SLC6A11: variants seen among roughly 807,000 people sequenced by gnomAD.
The protein encoded by SLC6A11 is sodium- and chloride-dependent GABA transporter 3.
SLC6A11 carries 25 observed loss-of-function variants against 74.8 expected under a neutral mutation model. The observed-to-expected ratio is 0.33, with a 90% CI of 0.24 to 0.47. SLC6A11 has a LOEUF of 0.47. SLC6A11 is among the 20% of genes least tolerant of loss of function. The pLI is 1.00. For missense variants in SLC6A11, 574 were observed against 837.0 expected, an observed-to-expected ratio of 0.69 and a Z score of 3.88; for synonymous variants, 330 against 330.2, an observed-to-expected ratio of 1.00 and a Z score of 0.01.
In SLC6A11 at chr3:10,848,522, G is replaced by A. The variant is rs188321832; in HGVS notation, c.756+4176G>A. The stretch of plus-strand genomic sequence containing the variant: ...CAGAAGCAGCTATTCTGAGCTGGAG[G>A]GAGATTCCCTACACCCCAGCTTCAG... On this transcript the variant is annotated intron_variant, in intron 5 of 13. Transcript: ENST00000254488. 1.5e-4 allele frequency among the ~76,000 whole-genome samples: 23 copies of A among 152,262 alleles called. No homozygotes were observed. The East Asian group carries it at 3.9e-3, about 26-fold the overall frequency.
rs745698769 is a variant in SLC6A11, at chr3:10,934,175, C to T, written c.1575+9C>T. The T allele has an allele frequency of 6.3e-7, 1 of 1,592,162 alleles. No individual in the cohort carries two copies. The highest frequency in any genetic ancestry group is 1.1e-5 in the South Asian group (1 of 90,510). ...CCCCTGGGATCTGCGCGGTAAGGGC[C>T]CCACCAGGAGCCACCTCCAGCCATC... On this transcript the variant is annotated intron_variant, in intron 12 of 13. Coordinates refer to ENST00000254488, the MANE Select transcript of SLC6A11 (RefSeq NM_014229.3).
chr3:10,868,896 A>G (rs1373447042), intron 5 of SLC6A11, among the ~76,000 whole-genome samples: 2 of 152,158 alleles, frequency 1.3e-5, no homozygotes, highest in Non-Finnish European at 2.9e-5. Flanking sequence ...TTAAAGCCAA[A>G]TCCTTTGTGA....
chr3:10,836,968 G>T (rs1047667930), intron 4 of SLC6A11, among the ~76,000 whole-genome samples: 1 of 152,226 alleles, frequency 6.6e-6, no homozygotes, highest in Non-Finnish European at 1.5e-5. Flanking sequence ...TATGCCTTGC[G>T]AGACTGAAGG....
intron 10 of SLC6A11, among the ~76,000 whole-genome samples, chr3:10,932,006 A>G (rs1695694244): frequency 6.6e-6 from 1 of 151,980 alleles, no homozygotes; most frequent in Non-Finnish European, 1.5e-5. Flanking sequence ...CTGTCCTGGT[A>G]TTCAGGCTAC....
chr3:10,880,054 C>T (rs955303064), intron 6 of SLC6A11, among the ~76,000 whole-genome samples: 1 of 152,190 alleles, frequency 6.6e-6, no homozygotes, highest in Non-Finnish European at 1.5e-5. Flanking sequence ...GGCTGGCCAA[C>T]ATCTGAGGCA....
chr3:10,918,283 G>A lies in SLC6A11; in HGVS notation c.996-46G>A, dbSNP rs780811627. On this transcript the variant is annotated intron_variant, in intron 7 of 13. Transcript: ENST00000254488. The surrounding 1 kb of genome is among the most constrained non-coding windows in gnomAD (Gnocchi z 4.5). ...GTGGAGAACGTTTGAGCCGTGCACC[G>A]GTTCTGCCCGCTCTGACCCTAGTGC... The A allele has an allele frequency of 4.3e-5, 65 of 1,516,110 alleles. No homozygotes were observed. The highest frequency in any genetic ancestry group is 2.7e-5 in the Non-Finnish European group (31 of 1,133,804). 93.9% of individuals were successfully genotyped at this position (1,516,110 alleles called of 1,614,324 possible). A position where few individuals can be genotyped will look rare whatever the true frequency, so the allele number is the denominator to read the frequency against.
intron 4 of SLC6A11, among the ~76,000 whole-genome samples, chr3:10,832,560 A>G (rs1302147615): frequency 6.6e-6 from 1 of 152,258 alleles, no homozygotes; most frequent in Non-Finnish European, 1.5e-5. Flanking sequence ...CAATAGGCAT[A>G]TAAATGGGAT....
chr3:10,826,503 A>G (rs1465254590), intron 4 of SLC6A11, among the ~76,000 whole-genome samples: 2 of 152,204 alleles, frequency 1.3e-5, no homozygotes, highest in Admixed American at 1.3e-4. Flanking sequence ...TTGTTTTTGC[A>G]CCACTCATTT....
intron 5 of SLC6A11, among the ~76,000 whole-genome samples, chr3:10,847,456 C>T (rs1003644820): frequency 6.6e-6 from 1 of 152,178 alleles, no homozygotes; most frequent in African/African-American, 2.4e-5. Flanking sequence ...CTCCATGTGT[C>T]CTGTGCCTAA....
intron 4 of SLC6A11, chr3:10,825,597 G>A (rs1356926505): frequency 6.6e-6 from 1 of 151,926 alleles, no homozygotes; most frequent in Non-Finnish European, 1.5e-5. Flanking sequence ...CACAGTTGGT[G>A]TCTTATTTAA....
At chr3:10,853,080 A>AC (rs1694596466) in intron 5 of SLC6A11, among the ~76,000 whole-genome samples, 1 of 152,166 alleles carries the variant, frequency 6.6e-6, no homozygotes, top group African/African-American at 2.4e-5. Flanking sequence ...AAAGCATGAC[A>AC]CGTGCAGTGG....
intron 4 of SLC6A11, among the ~76,000 whole-genome samples, chr3:10,836,616 A>G (rs1234397306): frequency 6.6e-6 from 1 of 152,238 alleles, no homozygotes; most frequent in Admixed American, 6.5e-5. Flanking sequence ...AATAAATTTG[A>G]GAAACATTCA....
chr3:10,921,414 C>T (rs531047044), intron 8 of SLC6A11, among the ~76,000 whole-genome samples: 2 of 152,170 alleles, frequency 1.3e-5, no homozygotes, highest in South Asian at 4.2e-4. Context: ...ATGTTATTAA[C>T]TCGAATAAGT....
chr3:10,912,261 GTTT>G, intron 7 of SLC6A11, 68 bp downstream of exon 7: 1 of 1,074,438 alleles, frequency 9.3e-7, no homozygotes, highest in Non-Finnish European at 1.4e-6. Flanking sequence ...TGCCAGGCTA[GTTT>G]ATGTTTGTCT....
chr3:10,862,033 C>G (rs950435901), intron 5 of SLC6A11, among the ~76,000 whole-genome samples: 2 of 152,096 alleles, frequency 1.3e-5, no homozygotes, highest in African/African-American at 4.8e-5. Context: ...GTATGGGATC[C>G]CTCCTCTCCA....
At chr3:10,914,174 G>A (rs1695424371) in intron 7 of SLC6A11, among the ~76,000 whole-genome samples, 1 of 152,170 alleles carries the variant, frequency 6.6e-6, no homozygotes, top group Admixed American at 6.5e-5. Context: ...ACCGGTGATA[G>A]CGTCCCTCCC....
At chr3:10,835,968 A>G (rs1455735708) in intron 4 of SLC6A11, among the ~76,000 whole-genome samples, 1 of 152,214 alleles carries the variant, frequency 6.6e-6, no homozygotes. Flanking sequence ...ACCACAATAT[A>G]AGTTTAGAAC....
intron 13 of SLC6A11, among the ~76,000 whole-genome samples, chr3:10,936,820 C>T (rs1038767286): frequency 2.0e-5 from 3 of 152,208 alleles, no homozygotes; most frequent in African/African-American, 7.2e-5. Flanking sequence ...CTGCTAAATC[C>T]TCCAGAGATC....
intron 10 of SLC6A11, among the ~76,000 whole-genome samples, chr3:10,930,394 G>A (rs1695670397): frequency 1.3e-5 from 2 of 152,200 alleles, no homozygotes; most frequent in African/African-American, 4.8e-5. Flanking sequence ...TGCCCTCAGA[G>A]CCAATTCAGC....
Sources: allele counts gnomAD v4.1 joint callset (sites outside exome capture counted in the v4.1 genomes callset), GRCh38; gene constraint gnomAD v4.1.1; non-coding constraint Gnocchi (gnomAD v3.1); transcripts MANE v1.5; gene names NCBI Gene and HGNC (gene_info 2026-07-23, HGNC 2026-07-21).